The following PIK3C3 variants were observed in gnomAD, a reference collection of about 807,000 sequenced individuals.
PIK3C3 encodes phosphatidylinositol 3-kinase catalytic subunit type 3, also known as PI3-kinase type 3.
PIK3C3 carries 95 observed loss-of-function variants against 126.1 expected under a neutral mutation model. The observed-to-expected ratio is 0.75, with a 90% CI of 0.64 to 0.89. The LOEUF (loss-of-function observed/expected upper bound fraction) is 0.89. Among genes scored for constraint, PIK3C3 ranks in the 40% least tolerant of loss-of-function variants. The probability of loss-of-function intolerance (pLI) is 0.00; values close to 1 mark genes in which losing one functional copy is unlikely to be tolerated. For synonymous variants in PIK3C3, 374 were observed against 360.0 expected, an observed-to-expected ratio of 1.04 and a Z score of -0.44; for missense variants, 829 against 1,063.2, an observed-to-expected ratio of 0.78 and a Z score of 3.06.
chr18:42,062,359 C>T (rs1985355245), intron 22 of PIK3C3, among the ~76,000 whole-genome samples: 2 of 151,964 alleles, frequency 1.3e-5, no homozygotes, highest in African/African-American at 2.4e-5. Flanking sequence ...TAACCTGTGG[C>T]CCCCAGGCCA....
intron 21 of PIK3C3, among the ~76,000 whole-genome samples, chr18:42,053,191 A>G (rs1383079556): frequency 1.3e-5 from 2 of 152,208 alleles, no homozygotes. Context: ...TGATCCAGCT[A>G]AGAACTCTGG....
chr18:42,051,909 G>A (rs1020841141), intron 21 of PIK3C3, among the ~76,000 whole-genome samples: 5 of 151,664 alleles, frequency 3.3e-5, no homozygotes, highest in Admixed American at 1.3e-4. Flanking sequence ...CACCAACATG[G>A]CACATGTATA....
intron 22 of PIK3C3, among the ~76,000 whole-genome samples, chr18:42,063,658 CA>C (rs1218663152): frequency 6.6e-6 from 1 of 152,008 alleles, no homozygotes; most frequent in African/African-American, 2.4e-5. Context: ...TATGGATAGT[CA>C]TTTTTCTATA....
chr18:42,031,570 G>T (rs767483051), intron 15 of PIK3C3, among the ~76,000 whole-genome samples: 1 of 152,000 alleles, frequency 6.6e-6, no homozygotes, highest in Non-Finnish European at 1.5e-5. Flanking sequence ...GACTGCAGGC[G>T]TGCACCACCA....
intron 16 of PIK3C3, 122 bp from the exon 17 acceptor site, chr18:42,037,570 T>G: frequency 1.3e-6 from 1 of 798,550 alleles, no homozygotes. Context: ...AAAACCCAAC[T>G]TGTTTTTTAG....
chr18:41,962,530 T>A lies in PIK3C3; in HGVS notation c.299T>A (p.Leu100Gln). 9 of 1,613,196 alleles carry A rather than the reference T, an allele frequency of 5.6e-6. No individual in the cohort carries two copies. The highest frequency in any genetic ancestry group is 7.6e-6 in the Non-Finnish European group (9 of 1,179,358). The change falls in exon 3 of 25, where the codon CTG becomes CAG. Residue 100 changes from leucine to glutamine, a missense_variant. Physicochemically the swap from Leu to Gln is moderately radical, Grantham distance 113. Coordinates refer to ENST00000262039, the MANE Select transcript of PIK3C3 (RefSeq NM_002647.4). ...AAACTACCAGTAAAATACCCTGACC[T>A]GCCCAGGAATGCCCAAGTGGCCCTC... Reference protein sequence around the residue: ...WLKLPVKYPDLPRNAQVALTI... With the variant: ...WLKLPVKYPDQPRNAQVALTI...
rs182561475 is a variant in PIK3C3 at position 41,976,078 on chromosome 18, G to A, written c.531+5622G>A. 2.8e-3 allele frequency among the ~76,000 whole-genome samples: 424 copies of A among 152,166 alleles called. 1 individual carries two copies. The highest frequency in any genetic ancestry group is 9.4e-3 in the African/African-American group (390 of 41,524). Reference sequence around the variant, plus strand: ...GTTGTACTGCATCTTTTGAATAAACGTTGACAAATTATCACAATCCCAAAA... The same window carrying A: ...GTTGTACTGCATCTTTTGAATAAACATTGACAAATTATCACAATCCCAAAA... On this transcript the variant is annotated intron_variant, in intron 4 of 24. Transcript: ENST00000262039.
chr18:42,046,569 A>C (rs1984568077), intron 20 of PIK3C3, among the ~76,000 whole-genome samples: 1 of 152,146 alleles, frequency 6.6e-6, no homozygotes. Context: ...AACTAACAAC[A>C]TTGTTTTGAC....
chr18:41,970,226 C>A, intron 3 of PIK3C3, 101 bp from the exon 4 acceptor site: 1 of 972,640 alleles, frequency 1.0e-6, no homozygotes, highest in Non-Finnish European at 1.6e-6. Context: ...TGGAGATATA[C>A]ATTTCCATGT....
intron 21 of PIK3C3, among the ~76,000 whole-genome samples, chr18:42,052,090 A>G (rs555624381): frequency 6.6e-6 from 1 of 152,138 alleles, no homozygotes; most frequent in Admixed American, 6.5e-5. Context: ...TTTTTTGGAA[A>G]TTGATAAACA....
intron 24 of PIK3C3, among the ~76,000 whole-genome samples, chr18:42,071,304 C>A (rs1985762116): frequency 1.3e-5 from 2 of 152,184 alleles, no homozygotes; most frequent in Non-Finnish European, 2.9e-5. Context: ...ACAGCTTCAA[C>A]ATTTATTGGA....
intron 12 of PIK3C3, among the ~76,000 whole-genome samples, 156 bp downstream of exon 12, chr18:42,015,722 C>T (rs568661237): frequency 6.6e-6 from 1 of 152,260 alleles, no homozygotes; most frequent in Admixed American, 6.5e-5. Context: ...TTTTCCCCCT[C>T]AGCATAAAGT....
In PIK3C3 at chr18:41,955,399, C is replaced by G. The variant is rs931935857; in HGVS notation, c.68+40C>G. ...GGGACAGGGAGTGGGATTGCTGGGGCGTAGGGACGTGGGGGCAGGGGCCTG... is the reference window on the plus strand; with the variant it reads ...GGGACAGGGAGTGGGATTGCTGGGGGGTAGGGACGTGGGGGCAGGGGCCTG... On this transcript the variant is annotated intron_variant, in intron 1 of 24. Transcript: ENST00000262039. The G allele has an allele frequency of 2.6e-6, 4 of 1,547,952 alleles. No individual in the cohort carries two copies. In the African/African-American group the frequency reaches 5.5e-5, roughly 21 times the overall value.
rs552399274 is a variant in PIK3C3, at chr18:42,083,817, G to A, written c.*2680G>A. 9 of 152,114 alleles carry A rather than the reference G, an allele frequency of 5.9e-5. No individual in the cohort carries two copies. The highest frequency in any genetic ancestry group is 1.3e-4 in the Non-Finnish European group (9 of 68,038). 9.4% of individuals were successfully genotyped at this position (152,114 alleles called of 1,614,324 possible). On this transcript the variant is annotated 3_prime_UTR_variant, in exon 25 of 25. Coordinates refer to ENST00000262039, the MANE Select transcript of PIK3C3 (RefSeq NM_002647.4). ...GAGAGCAGAGTTGGGATTTGAAGTC[G>A]AGTTAGACCCCAGTGATCACAGTCT...
intron 12 of PIK3C3, among the ~76,000 whole-genome samples, chr18:42,020,165 CAATAAT>C: frequency 6.6e-6 from 1 of 152,222 alleles, no homozygotes; most frequent in Non-Finnish European, 1.5e-5. Context: ...AATCCATACT[CAATAAT>C]AATGTGACCT....
chr18:42,001,359 AGGAATTATAATT>A (rs1982280097), intron 9 of PIK3C3, among the ~76,000 whole-genome samples: 1 of 152,248 alleles, frequency 6.6e-6, no homozygotes, highest in African/African-American at 2.4e-5. Context: ...TGATAGAGCC[AGGAATTATAATT>A]GGAACCCAAA....
At chr18:42,015,627 C>A in intron 12 of PIK3C3, 61 bp downstream of exon 12, 1 of 1,163,750 alleles carries the variant, frequency 8.6e-7, no homozygotes, top group Non-Finnish European at 1.3e-6. Flanking sequence ...ACATTTTATA[C>A]TTGTCTTTAA....
At chr18:42,060,222 T>G (rs371295713) in intron 22 of PIK3C3, among the ~76,000 whole-genome samples, 1 of 152,198 alleles carries the variant, frequency 6.6e-6, no homozygotes, top group East Asian at 1.9e-4. Context: ...GGCCCTGTTA[T>G]TTTATAGTTT....
intron 15 of PIK3C3, 43 bp from the exon 16 acceptor site, chr18:42,033,783 C>G (rs749614766): frequency 3.3e-5 from 47 of 1,438,264 alleles, no homozygotes; most frequent in Middle Eastern, 3.5e-4. Context: ...TTATAAACTA[C>G]TCTTCTATTT....
Sources: allele counts gnomAD v4.1 joint callset (sites outside exome capture counted in the v4.1 genomes callset), GRCh38; gene constraint gnomAD v4.1.1; transcripts MANE v1.5; gene names NCBI Gene and HGNC (gene_info 2026-07-23, HGNC 2026-07-21).